The following DENND2B variants were observed in gnomAD, a reference collection of about 807,000 sequenced individuals.
DENND2B encodes the protein DENN domain-containing protein 2B.
Under a neutral mutation model 116.0 loss-of-function variants are expected in DENND2B, and 32 were observed. The ratio of observed to expected loss-of-function variants is 0.28; its 90% confidence interval spans 0.21 to 0.37. DENND2B has a LOEUF of 0.37. Ranked by LOEUF, DENND2B falls within the 10% of genes least tolerant of loss-of-function variation. The pLI, the probability that DENND2B is intolerant of heterozygous loss-of-function variation, is 1.00. For missense variants in DENND2B, 1,276 were observed against 1,477.7 expected, an observed-to-expected ratio of 0.86 and a Z score of 2.24; for synonymous variants, 588 against 583.9, an observed-to-expected ratio of 1.01 and a Z score of -0.10.
intron 1 of DENND2B, chr11:8,774,212 C>T (rs1030666854): frequency 1.0e-6 from 1 of 985,428 alleles, no homozygotes; most frequent in Non-Finnish European, 1.2e-6. Context: ...AGCTGGAGAC[C>T]CTACCTCCAC....
chr11:8,696,599 G>A lies in DENND2B; in HGVS notation c.3120C>T (p.His1040=), dbSNP rs144049692. The part of the protein sequence containing the change: ...FIRFFVETVG[H]YSLFLTQSEK... ...CACTCTGTGTCAGAAAGAGGGAGTA[G>A]TGCCCAACGGTCTCCACAAAGAACC... Residue 1040 remains histidine (H), a synonymous_variant, in exon 18 of 20, where the codon CAC becomes CAT. Coordinates refer to ENST00000313726, the MANE Select transcript of DENND2B (RefSeq NM_213618.2). 8.1e-6 allele frequency: 13 copies of A among 1,614,064 alleles called. No homozygotes were observed. In the African/African-American group the frequency reaches 1.6e-4, roughly 20 times the overall value.
At chr11:8,708,207 C>A in intron 11 of DENND2B, 1 of 1,240,644 alleles carries the variant, frequency 8.1e-7, no homozygotes, top group Non-Finnish European at 1.0e-6. Flanking sequence ...GGCTGGGACC[C>A]CAGCAGATGG....
chr11:8,762,539 C>G (rs1366155166), intron 1 of DENND2B, among the ~76,000 whole-genome samples: 1 of 152,190 alleles, frequency 6.6e-6, no homozygotes, highest in African/African-American at 2.4e-5. Flanking sequence ...TAGCTTCAGC[C>G]CAAGAACTCA....
chr11:8,756,755 T>C (rs889843672), intron 1 of DENND2B, among the ~76,000 whole-genome samples: 1 of 152,162 alleles, frequency 6.6e-6, no homozygotes, highest in Non-Finnish European at 1.5e-5. Flanking sequence ...GGCCCTCATC[T>C]ATGCTTTTAG....
intron 1 of DENND2B, among the ~76,000 whole-genome samples, chr11:8,753,159 C>T (rs1453267402): frequency 2.0e-5 from 3 of 152,218 alleles, no homozygotes; most frequent in South Asian, 2.1e-4. Flanking sequence ...GTAACTTGAA[C>T]CTGGGAGGCA....
intron 2 of DENND2B, among the ~76,000 whole-genome samples, chr11:8,863,465 C>A (rs2134685402): frequency 6.6e-6 from 1 of 151,984 alleles, no homozygotes; most frequent in East Asian, 1.9e-4. Flanking sequence ...TATCTCCTGA[C>A]CTTGAGATCC....
chr11:8,872,450 G>C (rs1460608949), upstream of DENND2B, among the ~76,000 whole-genome samples: 3 of 145,066 alleles, frequency 2.1e-5, no homozygotes, highest in Non-Finnish European at 4.5e-5. Context: ...TCGCACCACT[G>C]CATTCCAGCC....
At chr11:8,763,162 A>G (rs2054995434) in intron 1 of DENND2B, among the ~76,000 whole-genome samples, 1 of 152,240 alleles carries the variant, frequency 6.6e-6, no homozygotes, top group Non-Finnish European at 1.5e-5. Flanking sequence ...AGTCATCAAC[A>G]AAATGCAAAT....
chr11:8,771,529 C>CAGAGAGAGAGAGAGAGATAGAGAGAG (rs2056855011), intron 1 of DENND2B: 1 of 107,392 alleles, frequency 9.3e-6, no homozygotes, highest in African/African-American at 4.4e-5. Flanking sequence ...TATATATATA[C>CAGAGAGAGAGAGAGAGATAGAGAGAG]AGAGAGAGAG....
In DENND2B at chr11:8,852,986, G is replaced by A. The variant is rs181716403; in HGVS notation, c.-156+4357C>T. Among the ~76,000 whole-genome samples, 28 of 152,302 alleles carry A rather than the reference G, an allele frequency of 1.8e-4. No homozygotes were observed. In the East Asian group the frequency reaches 5.4e-3, roughly 29 times the overall value. On this transcript the variant is annotated intron_variant, in intron 3 of 6. Transcript: ENST00000524757. ...AATTCATGTGAAAATCTAACCCCAA[G>A]GTGATGGTATTAAGAGGTGGGGCCT...
intron 3 of DENND2B, among the ~76,000 whole-genome samples, chr11:8,729,521 A>T (rs1245047331): frequency 1.3e-5 from 2 of 152,248 alleles, no homozygotes; most frequent in Non-Finnish European, 2.9e-5. Context: ...AAAATGCAGT[A>T]TTCAGATAAT....
chr11:8,861,846 C>A (rs1034274564), intron 2 of DENND2B, among the ~76,000 whole-genome samples: 2 of 152,044 alleles, frequency 1.3e-5, no homozygotes, highest in African/African-American at 4.8e-5. Context: ...ACTACTCAGC[C>A]ATAAAAAAAG....
intron 4 of DENND2B, among the ~76,000 whole-genome samples, chr11:8,828,466 C>T (rs919206587): frequency 6.6e-6 from 1 of 152,086 alleles, no homozygotes; most frequent in Non-Finnish European, 1.5e-5. Context: ...GGGGTCAGGA[C>T]GCAGACCACA....
intron 1 of DENND2B, among the ~76,000 whole-genome samples, chr11:8,909,239 T>A (rs1315492678): frequency 6.6e-6 from 1 of 151,986 alleles, no homozygotes; most frequent in Non-Finnish European, 1.5e-5. Flanking sequence ...TACGAAACAT[T>A]TAAAAAATTT....
chr11:8,767,750 C>T (rs1280844675), intron 1 of DENND2B, among the ~76,000 whole-genome samples: 1 of 151,682 alleles, frequency 6.6e-6, no homozygotes, highest in African/African-American at 2.4e-5. Flanking sequence ...GATTAGTCTA[C>T]CCCCTCGCCT....
chr11:8,767,078 G>A (rs2055956139), intron 1 of DENND2B, among the ~76,000 whole-genome samples: 1 of 152,202 alleles, frequency 6.6e-6, no homozygotes, highest in Admixed American at 6.5e-5. Context: ...CCTATCGCCT[G>A]AGCCCAGAGT....
At chr11:8,826,685 T>C (rs2061990720) in intron 4 of DENND2B, among the ~76,000 whole-genome samples, 1 of 152,202 alleles carries the variant, frequency 6.6e-6, no homozygotes, top group South Asian at 2.1e-4. Flanking sequence ...CAGGAGAAGA[T>C]GCCATTTTTT....
chr11:8,790,248 C>T (rs896314888), intron 1 of DENND2B, among the ~76,000 whole-genome samples: 1 of 152,218 alleles, frequency 6.6e-6, no homozygotes, highest in Admixed American at 6.5e-5. Context: ...CTTTTCCCCA[C>T]TCTCCTCCCA....
At chr11:8,860,672 C>G (rs554543152) in intron 2 of DENND2B, among the ~76,000 whole-genome samples, 8 of 151,984 alleles carry the variant, frequency 5.3e-5, no homozygotes, top group African/African-American at 1.9e-4. Flanking sequence ...ACATCATTTT[C>G]GAAAATATTA....
Sources: gnomAD v4.1 joint callset for allele counts (sites outside exome capture counted in the v4.1 genomes callset) on GRCh38, gnomAD v4.1.1 for gene constraint, MANE v1.5 for transcripts, NCBI Gene and HGNC (gene_info 2026-07-23, HGNC 2026-07-21) for gene names.